The following PHF20L1 variants were observed in gnomAD, a reference collection of about 807,000 sequenced individuals.
PHF20L1 encodes the protein PHD finger protein 20-like protein 1.
Under a neutral mutation model 125.5 loss-of-function variants are expected in PHF20L1, and 44 were observed. The observed-to-expected ratio is 0.35, with a 90% CI of 0.28 to 0.45. The LOEUF is 0.45. PHF20L1 is among the 20% of genes least tolerant of loss of function. The probability of loss-of-function intolerance (pLI) is 1.00; values close to 1 mark genes in which losing one functional copy is unlikely to be tolerated. For missense variants in PHF20L1, 1,012 were observed against 1,217.2 expected, an observed-to-expected ratio of 0.83 and a Z score of 2.51; for synonymous variants, 380 against 403.1, an observed-to-expected ratio of 0.94 and a Z score of 0.69.
At chr8:132,833,957 GTGA>G (rs1280893550) in intron 15 of PHF20L1, among the ~76,000 whole-genome samples, 1 of 152,080 alleles carries the variant, frequency 6.6e-6, no homozygotes, top group Non-Finnish European at 1.5e-5. Flanking sequence ...AAGTTCCCCG[GTGA>G]TGATAAATGT....
chr8:132,815,599 C>CTTTATG (rs1224072720), intron 10 of PHF20L1: 2 of 151,466 alleles, frequency 1.3e-5, no homozygotes, highest in African/African-American at 4.8e-5. Context: ...TTTTTTTGCT[C>CTTTATG]TTTATGCAAA....
chr8:132,832,107 C>A, intron 14 of PHF20L1, 128 bp from the exon 15 acceptor site: 1 of 656,638 alleles, frequency 1.5e-6, no homozygotes. Context: ...TGTAGCTTTT[C>A]ATGGATGAGA....
At chr8:132,818,155 A>G (rs1485276036) in intron 12 of PHF20L1, 1 of 151,960 alleles carries the variant, frequency 6.6e-6, no homozygotes, top group African/African-American at 2.4e-5. Context: ...TAAATCTAAT[A>G]ATATCTATTC....
intron 9 of PHF20L1, among the ~76,000 whole-genome samples, chr8:132,813,991 G>T (rs542672550): frequency 2.1e-4 from 31 of 149,120 alleles, no homozygotes; most frequent in Admixed American, 1.5e-3. Flanking sequence ...TTTTTTTTTT[G>T]TTGTTGTTGC....
intron 17 of PHF20L1, 114 bp from the exon 18 acceptor site, chr8:132,839,273 T>C (rs550703630): frequency 6.1e-5 from 47 of 767,300 alleles, no homozygotes; most frequent in Middle Eastern, 7.7e-4. Flanking sequence ...TTTTTGAATC[T>C]GCTCCTAGTG....
intron 15 of PHF20L1, among the ~76,000 whole-genome samples, chr8:132,833,280 G>A (rs1036149403): frequency 9.2e-5 from 14 of 151,996 alleles, no homozygotes; most frequent in African/African-American, 2.2e-4. Flanking sequence ...CTTTTGCACC[G>A]TTTGCTTCCA....
chr8:132,804,135 T>G, intron 7 of PHF20L1, 103 bp downstream of exon 7: 1 of 766,570 alleles, frequency 1.3e-6, no homozygotes, highest in Non-Finnish European at 2.1e-6. Context: ...TAATTAAATT[T>G]GTAGGCTTTT....
chr8:132,786,058 T>C (rs1324028005), intron 2 of PHF20L1, among the ~76,000 whole-genome samples: 1 of 152,118 alleles, frequency 6.6e-6, no homozygotes, highest in Admixed American at 6.6e-5. Flanking sequence ...GGCAAATACA[T>C]TGTGACTTTT....
At chr8:132,811,428 C>T (rs1012450168) in intron 9 of PHF20L1, 32 of 1,043,156 alleles carry the variant, frequency 3.1e-5, no homozygotes, top group Non-Finnish European at 3.1e-5. Flanking sequence ...ACAAAAAGAC[C>T]CTTACACAAA....
chr8:132,777,649 A>G (rs551694601), intron 1 of PHF20L1, 143 bp from the exon 2 acceptor site: 13 of 536,548 alleles, frequency 2.4e-5, no homozygotes, highest in Admixed American at 6.9e-5. Context: ...TACTCCTTCA[A>G]ATTTCTTAAC....
chr8:132,811,198 G>A (rs1296503851), intron 9 of PHF20L1, 70 bp downstream of exon 9: 25 of 1,591,450 alleles, frequency 1.6e-5, no homozygotes, highest in Middle Eastern at 1.7e-4. Context: ...TAGTATCTAC[G>A]TAATTGAAAT....
In PHF20L1 at chr8:132,775,649, A is replaced by AGAG. The variant is rs1385465247; in HGVS notation, c.-38+6_-38+8dup. On this transcript the variant is annotated splice_donor_region_variant and intron_variant, in intron 1 of 20. Coordinates refer to ENST00000395386, the MANE Select transcript of PHF20L1 (RefSeq NM_016018.5). ...GTGCAGAGAGGAGGCCGAGTCGGTA[A>AGAG]GAGGCGGCGGCGGCTGAGCCGGCAG... is the stretch of plus-strand genomic sequence containing the variant. 1 of 335,938 alleles carries AGAG rather than the reference A, an allele frequency of 3.0e-6. No individual in the cohort carries two copies. The highest frequency in any genetic ancestry group is 5.4e-6 in the Non-Finnish European group (1 of 185,934). The allele number at this position is 335,938 out of a possible 1,614,324, so 20.8% of individuals were successfully genotyped here. A position where few individuals can be genotyped will look rare whatever the true frequency, so the allele number is the denominator to read the frequency against.
chr8:132,817,854 C>T (rs1470038362), intron 12 of PHF20L1: 1 of 215,596 alleles, frequency 4.6e-6, no homozygotes, highest in Non-Finnish European at 9.2e-6. Context: ...AGTATAGTTA[C>T]AGGAATTCTT....
chr8:132,821,996 T>C (rs1835655729), intron 12 of PHF20L1, among the ~76,000 whole-genome samples: 2 of 152,014 alleles, frequency 1.3e-5, no homozygotes, highest in Admixed American at 1.3e-4. Flanking sequence ...TGTTGACTTC[T>C]GGAATGGTCT....
At chr8:132,799,666 G>A (rs1014011051) in intron 6 of PHF20L1, 3 of 151,918 alleles carry the variant, frequency 2.0e-5, no homozygotes, top group African/African-American at 4.8e-5. Flanking sequence ...CATACCATGC[G>A]GTGAAAACTG....
At chr8:132,813,801 CAT>C (rs1344666905) in intron 9 of PHF20L1, among the ~76,000 whole-genome samples, 2 of 151,860 alleles carry the variant, frequency 1.3e-5, no homozygotes, top group African/African-American at 2.4e-5. Flanking sequence ...CATATTTTAA[CAT>C]ATGTAGGAAA....
At chr8:132,845,221 A>C (rs1256964185) in intron 20 of PHF20L1, among the ~76,000 whole-genome samples, 1 of 152,148 alleles carries the variant, frequency 6.6e-6, no homozygotes, top group African/African-American at 2.4e-5. Flanking sequence ...AATCAATTGC[A>C]TTCTGCCTAC....
chr8:132,817,951 A>G (rs531020520), intron 12 of PHF20L1: 2 of 154,580 alleles, frequency 1.3e-5, no homozygotes, highest in African/African-American at 2.4e-5. Context: ...ACACTGAGCT[A>G]TATGCCTGTA....
chr8:132,817,794 C>A, intron 12 of PHF20L1: 1 of 365,096 alleles, frequency 2.7e-6, no homozygotes, highest in Non-Finnish European at 4.9e-6. Flanking sequence ...CTTCTCCCTG[C>A]TTCTTTTTTA....
Sources: gnomAD v4.1 joint callset for allele counts (sites outside exome capture counted in the v4.1 genomes callset) on GRCh38, gnomAD v4.1.1 for gene constraint, MANE v1.5 for transcripts, NCBI Gene and HGNC (gene_info 2026-07-23, HGNC 2026-07-21) for gene names.